Variants in PTPRD observed in about 807,000 individuals in gnomAD.
PTPRD encodes receptor-type tyrosine-protein phosphatase delta.
In PTPRD, 34 loss-of-function variants were observed where a neutral mutation model predicts 214.5. The observed-to-expected ratio is 0.16, with a 90% CI of 0.12 to 0.21. PTPRD has a LOEUF of 0.21. Ranked by LOEUF, PTPRD falls within the 10% of genes least tolerant of loss-of-function variation. The probability of loss-of-function intolerance (pLI) is 1.00; values close to 1 mark genes in which losing one functional copy is unlikely to be tolerated. For synonymous variants in PTPRD, 1,128 were observed against 845.7 expected (o/e 1.33, Z -5.79); for missense variants, 2,545 against 2,398.7 (o/e 1.06, Z -1.27).
chr9:10,405,714 A>G (rs2098343387), intron 2 of PTPRD, among the ~76,000 whole-genome samples: 1 of 151,616 alleles, frequency 6.6e-6, no homozygotes, highest in Admixed American at 6.6e-5. Flanking sequence ...ATGGAAACTC[A>G]ATAATATGGA....
At chr9:8,485,664 A>G (rs1366518997) in intron 28 of PTPRD, 98 bp downstream of exon 28, 7 of 1,081,512 alleles carry the variant, frequency 6.5e-6, no homozygotes, top group Non-Finnish European at 9.1e-6. Flanking sequence ...GAACCTATTA[A>G]TATGAATGGG....
chr9:9,069,130 A>C (rs990656267), intron 10 of PTPRD, among the ~76,000 whole-genome samples: 2 of 152,218 alleles, frequency 1.3e-5, no homozygotes, highest in Non-Finnish European at 2.9e-5. Flanking sequence ...ATATTGCTAT[A>C]CTTAAAGGTT....
chr9:8,768,657 C>T (rs903320028), intron 11 of PTPRD, among the ~76,000 whole-genome samples: 12 of 152,256 alleles, frequency 7.9e-5, no homozygotes, highest in African/African-American at 2.6e-4. Flanking sequence ...ATGGATTAGA[C>T]ACTACAGAAG....
intron 3 of PTPRD, among the ~76,000 whole-genome samples, chr9:10,139,224 C>A (rs575319534): frequency 2.2e-4 from 33 of 151,624 alleles, no homozygotes; most frequent in African/African-American, 7.0e-4. Context: ...GCATAAAATT[C>A]AGTGGAACAT....
chr9:10,306,298 T>G (rs974429750), intron 3 of PTPRD, among the ~76,000 whole-genome samples: 1 of 151,580 alleles, frequency 6.6e-6, no homozygotes, highest in Non-Finnish European at 1.5e-5. Context: ...AGGGGAGGGA[T>G]AGCATTAGGA....
At chr9:9,748,869 CATT>C (rs143752324) in intron 6 of PTPRD, among the ~76,000 whole-genome samples, 17,574 of 152,046 alleles carry the variant, frequency 0.12, 1,634 homozygotes, top group African/African-American at 0.26. Flanking sequence ...GTATCAGTGA[CATT>C]ATATTATTGT....
intron 9 of PTPRD, among the ~76,000 whole-genome samples, chr9:9,287,389 T>C (rs770873516): frequency 3.9e-5 from 6 of 151,938 alleles, no homozygotes; most frequent in Non-Finnish European, 7.4e-5. Flanking sequence ...ATCAGTACTA[T>C]AAAATTTTAG....
chr9:10,403,027 G>A (rs1026972486), intron 2 of PTPRD, among the ~76,000 whole-genome samples: 1 of 151,122 alleles, frequency 6.6e-6, no homozygotes, highest in South Asian at 2.1e-4. Flanking sequence ...TCAATTCTCA[G>A]CCTAGGTTCC....
intron 5 of PTPRD, among the ~76,000 whole-genome samples, chr9:9,857,009 G>A (rs951623083): frequency 3.9e-5 from 6 of 152,156 alleles, no homozygotes; most frequent in African/African-American, 1.2e-4. Context: ...GACCTCTCAA[G>A]ATCAGCTGTG....
chr9:8,929,678 C>G lies in PTPRD; in HGVS notation c.-104+89019G>C, dbSNP rs1234341945. Among the ~76,000 whole-genome samples the G allele has an allele frequency of 3.3e-5, 4 of 120,700 alleles. No individual in the cohort carries two copies. The East Asian group carries it at 9.6e-4, about 29-fold the overall frequency. The allele number at this position is 120,700 out of a possible 152,430, so 79.2% of individuals were successfully genotyped here. ...TTTTTGTGTGTCTCTGCCAGGTTTT[C>G]TTTTATATATGTGTATATATATATG... On this transcript the variant is annotated intron_variant, in intron 11 of 45. Coordinates refer to ENST00000381196, the MANE Select transcript of PTPRD (RefSeq NM_002839.4).
At chr9:8,339,636 G>T (rs755879954) in intron 42 of PTPRD, among the ~76,000 whole-genome samples, 3 of 152,026 alleles carry the variant, frequency 2.0e-5, no homozygotes, top group Admixed American at 1.3e-4. Flanking sequence ...CTCTCCGGGG[G>T]CTCTACAAGT....
chr9:9,169,082 G>T (rs554052177), intron 10 of PTPRD, among the ~76,000 whole-genome samples: 37 of 151,992 alleles, frequency 2.4e-4, no homozygotes, highest in African/African-American at 8.7e-4. Context: ...AAATCAATTT[G>T]CATAAATTTA....
chr9:9,440,552 GT>G lies in PTPRD; in HGVS notation c.-236-43071del, dbSNP rs1260875641. On this transcript the variant is annotated intron_variant, in intron 8 of 45. Coordinates refer to ENST00000381196, the MANE Select transcript of PTPRD (RefSeq NM_002839.4). ...TAGGCAGAAAGTGTGGTCCATAACA[GT>G]TGTCACCGATAACTTCAGATGGAAT... Among the ~76,000 whole-genome samples the G allele has an allele frequency of 4.6e-5, 7 of 152,164 alleles. No individual in the cohort carries two copies. The South Asian group carries it at 1.4e-3, about 31-fold the overall frequency.
Position 9,710,656 on chromosome 9 carries a change from T to G in PTPRD, c.-287+23877A>C, listed in dbSNP as rs2097708443. Among the ~76,000 whole-genome samples the G allele has an allele frequency of 2.0e-5, 3 of 152,058 alleles. No homozygotes were observed. The South Asian group carries it at 6.2e-4, about 32-fold the overall frequency. ...AAGATAATTAGAAAATTTTACTTCCTAAAAAATTAACTAAATTCCATTTTC... is the reference window on the plus strand; with the variant it reads ...AAGATAATTAGAAAATTTTACTTCCGAAAAAATTAACTAAATTCCATTTTC... On this transcript the variant is annotated intron_variant, in intron 7 of 45. Coordinates refer to ENST00000381196, the MANE Select transcript of PTPRD (RefSeq NM_002839.4).
At chr9:9,807,011 C>T (rs145073013) in intron 5 of PTPRD, among the ~76,000 whole-genome samples, 66 of 152,186 alleles carry the variant, frequency 4.3e-4, no homozygotes, top group African/African-American at 1.5e-3. Flanking sequence ...TATGTAAAAA[C>T]CCCAAGACAA....
intron 2 of PTPRD, among the ~76,000 whole-genome samples, chr9:10,393,582 G>C (rs2098113115): frequency 6.6e-6 from 1 of 150,376 alleles, no homozygotes; most frequent in African/African-American, 2.4e-5. Flanking sequence ...CTTAAGACCA[G>C]GAGTTCAAGG....
At chr9:10,458,012 A>G (rs184539747) in intron 2 of PTPRD, among the ~76,000 whole-genome samples, 62 of 152,198 alleles carry the variant, frequency 4.1e-4, no homozygotes, top group Admixed American at 2.0e-3. Flanking sequence ...AGGAATAAAT[A>G]GAAAGCCTGA....
chr9:9,582,257 T>C (rs1308624685), intron 7 of PTPRD, among the ~76,000 whole-genome samples: 3 of 152,062 alleles, frequency 2.0e-5, no homozygotes, highest in African/African-American at 7.2e-5. Flanking sequence ...CATGTAGACG[T>C]TGGGTAAGCA....
intron 9 of PTPRD, among the ~76,000 whole-genome samples, chr9:9,277,711 A>G (rs2133347785): frequency 6.6e-6 from 1 of 151,432 alleles, no homozygotes; most frequent in East Asian, 2.0e-4. Flanking sequence ...TTTGCTAATT[A>G]CTTTTATAAG....
Sources: allele counts gnomAD v4.1 joint callset (sites outside exome capture counted in the v4.1 genomes callset), GRCh38; gene constraint gnomAD v4.1.1; transcripts MANE v1.5; gene names NCBI Gene and HGNC (gene_info 2026-07-23, HGNC 2026-07-21).